The following TSPAN11 variants were observed in gnomAD, a reference collection of about 807,000 sequenced individuals.
The protein encoded by TSPAN11 is tetraspanin-11.
In TSPAN11, 29 loss-of-function variants were observed where a neutral mutation model predicts 32.9. The observed-to-expected ratio is 0.88, with a 90% CI of 0.66 to 1.20. The LOEUF is 1.20. Ranked by LOEUF, TSPAN11 falls within the 50% of genes most tolerant of loss-of-function variation. The pLI is 0.00. For missense variants in TSPAN11, 283 were observed against 329.1 expected (o/e 0.86, Z 1.08); for synonymous variants, 140 against 141.3 (o/e 0.99, Z 0.07).
intron 3 of TSPAN11, among the ~76,000 whole-genome samples, chr12:30,969,338 C>A (rs1261586732): frequency 2.6e-5 from 4 of 152,230 alleles, no homozygotes; most frequent in Non-Finnish European, 5.9e-5. Flanking sequence ...CCAAGGTGGG[C>A]CTTGCCTCAT....
rs1428353034 is a variant in TSPAN11 at position 30,975,488 on chromosome 12, C to T, written c.277-3073C>T. ...AGCTCGAGAAGGCTATCCCCACACACCACCGCCACTGCCAAGCTCTCTCCC... is the reference window on the plus strand; with the variant it reads ...AGCTCGAGAAGGCTATCCCCACACATCACCGCCACTGCCAAGCTCTCTCCC... On this transcript the variant is annotated intron_variant, in intron 3 of 7. Coordinates refer to ENST00000546076, the MANE Select transcript of TSPAN11 (RefSeq NM_001370302.1). This position sits in a 1 kb window ranked among gnomAD's most constrained non-coding sequence, Gnocchi z 4.5. Among the ~76,000 whole-genome samples the T allele has an allele frequency of 6.6e-6, 1 of 152,148 alleles. No individual in the cohort carries two copies. Among genetic ancestry groups the T allele is most frequent in the Non-Finnish European group, 1.5e-5 (1 of 68,020 alleles).
chr12:30,930,284 C>T (rs890003001), intron 1 of TSPAN11, among the ~76,000 whole-genome samples: 4 of 152,130 alleles, frequency 2.6e-5, no homozygotes, highest in Non-Finnish European at 5.9e-5. Flanking sequence ...CATTAAGGAC[C>T]CAGCCCCCGA....
chr12:30,965,939 C>T (rs966197916), intron 3 of TSPAN11, among the ~76,000 whole-genome samples: 11 of 152,082 alleles, frequency 7.2e-5, no homozygotes, highest in African/African-American at 1.9e-4. Context: ...GCCCACGGGC[C>T]GCATGCAGCC....
At chr12:30,981,693 C>A (rs996456016) in intron 5 of TSPAN11, among the ~76,000 whole-genome samples, 3 of 152,200 alleles carry the variant, frequency 2.0e-5, no homozygotes, top group Admixed American at 2.0e-4. Flanking sequence ...TCTTCTACCA[C>A]GCGACAGTGG....
intron 3 of TSPAN11, among the ~76,000 whole-genome samples, chr12:30,977,219 T>C (rs1938992002): frequency 6.6e-6 from 1 of 152,218 alleles, no homozygotes; most frequent in Non-Finnish European, 1.5e-5. Flanking sequence ...CAGGAGATGG[T>C]TGGGCAAGGC....
chr12:30,964,298 A>C (rs1938682213), intron 3 of TSPAN11, among the ~76,000 whole-genome samples: 3 of 143,410 alleles, frequency 2.1e-5, no homozygotes, highest in Non-Finnish European at 4.6e-5. Context: ...TCCTCCTTCT[A>C]TTTCTTCTTC....
chr12:30,985,132 G>C lies in TSPAN11; in HGVS notation c.702+1982G>C, dbSNP rs75642391. On this transcript the variant is annotated intron_variant, in intron 7 of 7. Coordinates refer to ENST00000546076, the MANE Select transcript of TSPAN11 (RefSeq NM_001370302.1). Reference sequence around the variant, plus strand: ...GTCTAGCTGCAGCCTAACACACTGGGAGGAGGGTCCGTCGCCTCTGGAGGG... The same window carrying C: ...GTCTAGCTGCAGCCTAACACACTGGCAGGAGGGTCCGTCGCCTCTGGAGGG... Among the ~76,000 whole-genome samples the C allele has an allele frequency of 6.6e-3, 1,000 of 152,168 alleles. 20 individuals are homozygous for C. The East Asian group carries it at 0.078, about 12-fold the overall frequency.
chr12:30,974,957 A>G lies in TSPAN11; in HGVS notation c.277-3604A>G, dbSNP rs941416207. 3.9e-5 allele frequency among the ~76,000 whole-genome samples: 6 copies of G among 152,216 alleles called. 1 individual carries two copies. Among genetic ancestry groups the G allele is most frequent in the African/African-American group, 1.2e-4 (5 of 41,460 alleles). ...GGGGAGTGGCAGTTGCTCCTGCCCA[A>G]GGATAGCCTGGTGGAGCCAAGACTG... is the stretch of plus-strand genomic sequence containing the variant. On this transcript the variant is annotated intron_variant, in intron 3 of 7. Transcript: ENST00000546076.
At chr12:30,945,358 T>A (rs1938246044) in intron 1 of TSPAN11, among the ~76,000 whole-genome samples, 1 of 152,168 alleles carries the variant, frequency 6.6e-6, no homozygotes, top group Non-Finnish European at 1.5e-5. Flanking sequence ...TGGTTCTAAG[T>A]ACCAGGCCTG....
At chr12:30,977,008 GTTAT>G (rs1938987186) in intron 3 of TSPAN11, among the ~76,000 whole-genome samples, 1 of 152,208 alleles carries the variant, frequency 6.6e-6, no homozygotes, top group Non-Finnish European at 1.5e-5. Context: ...GCCTGACACT[GTTAT>G]TCTGAGACTG....
rs777828192 is a variant in TSPAN11 at position 30,963,875 on chromosome 12, A to C, written c.134A>C (p.Lys45Thr). 5.0e-6 allele frequency: 8 copies of C among 1,612,756 alleles called. No individual in the cohort carries two copies. Among genetic ancestry groups the C allele is most frequent in the Non-Finnish European group, 6.8e-6 (8 of 1,180,030 alleles). ...LAVGIWTLVEKSGYLSVLASS... is the reference protein window; with the variant it reads ...LAVGIWTLVETSGYLSVLASS... ...GTGGGCATCTGGACCCTGGTGGAGA[A>C]GAGTGGCTACCTCAGCGTCCTGGCC... Residue 45 changes from lysine (K) to threonine (T), a missense_variant, in exon 3 of 8, where the codon AAG becomes ACG. Transcript: ENST00000546076.
At chr12:31,002,138 T>C in the TSPAN11 span, among the ~76,000 whole-genome samples, 120,685 of 152,052 alleles carry the variant, frequency 0.79, 48,106 homozygotes, top group East Asian at 1. This position sits in a 1 kb window ranked among gnomAD's most constrained non-coding sequence, Gnocchi z 4.8. Flanking sequence ...CTCAGGGACC[T>C]TGCTCCAGTG....
the TSPAN11 span, among the ~76,000 whole-genome samples, chr12:31,014,108 C>T: frequency 6.6e-6 from 1 of 152,198 alleles, no homozygotes; most frequent in African/African-American, 2.4e-5. Flanking sequence ...TTGCCACACT[C>T]AGTGTCCTGT....
intron 3 of TSPAN11, among the ~76,000 whole-genome samples, chr12:30,965,806 T>A (rs1490112320): frequency 3.3e-5 from 5 of 152,098 alleles, no homozygotes. Flanking sequence ...AGAGTCACCT[T>A]GCAGTTGTGT....
chr12:30,967,474 G>C (rs577879961), intron 3 of TSPAN11, among the ~76,000 whole-genome samples: 46 of 152,226 alleles, frequency 3.0e-4, no homozygotes, highest in Admixed American at 6.5e-4. Context: ...GGGCACAGCA[G>C]CTGTTGCACA....
At chr12:30,984,514 A>G (rs1939160283) in intron 7 of TSPAN11, among the ~76,000 whole-genome samples, 1 of 140,992 alleles carries the variant, frequency 7.1e-6, no homozygotes, top group African/African-American at 2.7e-5. Flanking sequence ...ACAACCTGAG[A>G]CCCAGGCCAG....
At chr12:30,936,396 G>T (rs1357488523) in intron 1 of TSPAN11, among the ~76,000 whole-genome samples, 2 of 152,130 alleles carry the variant, frequency 1.3e-5, no homozygotes, top group Admixed American at 6.6e-5. Context: ...CTAGCACATT[G>T]TGTGCCACGT....
In TSPAN11 at chr12:30,991,985, C is replaced by A; in HGVS notation, c.*70C>A. The A allele has an allele frequency of 6.4e-7, 1 of 1,554,568 alleles. No individual in the cohort carries two copies. The highest frequency in any genetic ancestry group is 1.1e-5 in the South Asian group (1 of 89,798). On this transcript the variant is annotated 3_prime_UTR_variant, in exon 8 of 8. Coordinates refer to ENST00000546076, the MANE Select transcript of TSPAN11 (RefSeq NM_001370302.1). ...GGCCACATGCCATCTGCAAGGCCTG[C>A]AGAGTTAGCACCAGCTCCACTAGGG...
intron 3 of TSPAN11, among the ~76,000 whole-genome samples, chr12:30,972,257 A>G (rs927864914): frequency 3.3e-5 from 5 of 152,188 alleles, no homozygotes; most frequent in African/African-American, 9.7e-5. Context: ...CCAAGGGCAC[A>G]GGGACCATGA....
Sources: allele counts gnomAD v4.1 joint callset (sites outside exome capture counted in the v4.1 genomes callset), GRCh38; gene constraint gnomAD v4.1.1; non-coding constraint Gnocchi (gnomAD v3.1); transcripts MANE v1.5; gene names NCBI Gene and HGNC (gene_info 2026-07-23, HGNC 2026-07-21).